Variants in CLMN observed in about 807,000 individuals in gnomAD.
CLMN encodes the protein calmin (calponin-like, transmembrane).
CLMN carries 57 observed loss-of-function variants against 92.7 expected under a neutral mutation model. The observed-to-expected ratio is 0.61, with a 90% CI of 0.50 to 0.77. The LOEUF (loss-of-function observed/expected upper bound fraction) is 0.77. Ranked by LOEUF, CLMN falls within the 30% of genes least tolerant of loss-of-function variation. The pLI is 0.00. For synonymous variants in CLMN, 466 were observed against 470.6 expected, an observed-to-expected ratio of 0.99 and a Z score of 0.13; for missense variants, 1,158 against 1,237.5, an observed-to-expected ratio of 0.94 and a Z score of 0.96.
At chr14:95,232,213 G>C (rs1897912277) in intron 1 of CLMN, among the ~76,000 whole-genome samples, 2 of 152,228 alleles carry the variant, frequency 1.3e-5, no homozygotes, top group Non-Finnish European at 1.5e-5. Flanking sequence ...GGTGGCCTGA[G>C]GCTGCAGCCT....
intron 1 of CLMN, among the ~76,000 whole-genome samples, chr14:95,300,234 G>A (rs1004871876): frequency 2.0e-5 from 3 of 152,204 alleles, no homozygotes; most frequent in South Asian, 4.1e-4. Context: ...CACCCAGTGC[G>A]GGAGTCACCA....
chr14:95,283,093 TC>T (rs1280065872), intron 1 of CLMN, among the ~76,000 whole-genome samples: 1 of 152,194 alleles, frequency 6.6e-6, no homozygotes, highest in African/African-American at 2.4e-5. Flanking sequence ...GAATTTTATC[TC>T]CCAGAATTCC....
intron 1 of CLMN, among the ~76,000 whole-genome samples, chr14:95,279,821 C>G (rs1471130264): frequency 6.6e-6 from 1 of 152,206 alleles, no homozygotes; most frequent in African/African-American, 2.4e-5. Flanking sequence ...CACTTACTTA[C>G]TGGCTTTTTC....
At chr14:95,286,387 C>T (rs1378408293) in intron 1 of CLMN, among the ~76,000 whole-genome samples, 1 of 152,294 alleles carries the variant, frequency 6.6e-6, no homozygotes, top group South Asian at 2.1e-4. Flanking sequence ...GCACAGGTTA[C>T]ATATTATCTG....
At chr14:95,311,716 T>C (rs980091212) in intron 1 of CLMN, among the ~76,000 whole-genome samples, 1 of 152,190 alleles carries the variant, frequency 6.6e-6, no homozygotes, top group African/African-American at 2.4e-5. Flanking sequence ...TCCGTCCTGC[T>C]GAGGAGCTTG....
chr14:95,212,947 G>C (rs567421740), intron 6 of CLMN, among the ~76,000 whole-genome samples: 1 of 151,908 alleles, frequency 6.6e-6, no homozygotes, highest in African/African-American at 2.4e-5. Flanking sequence ...CACCACGCCC[G>C]GCTAATTTTG....
intron 1 of CLMN, among the ~76,000 whole-genome samples, chr14:95,308,713 C>CTTAA (rs35688396): frequency 0.74 from 111,667 of 151,472 alleles, 41,383 homozygotes; most frequent in East Asian, 0.93. Flanking sequence ...CAGTCCCTGA[C>CTTAA]TTGATTTTTA....
chr14:95,211,649 TAAAAA>T (rs540566941), intron 6 of CLMN, among the ~76,000 whole-genome samples: 9 of 130,142 alleles, frequency 6.9e-5, no homozygotes, highest in African/African-American at 2.2e-4. Context: ...TAAACGCTCT[TAAAAA>T]AAAAAAAAAA....
At chr14:95,269,083 G>A (rs957294258) in intron 1 of CLMN, among the ~76,000 whole-genome samples, 1 of 152,030 alleles carries the variant, frequency 6.6e-6, no homozygotes, top group Non-Finnish European at 1.5e-5. Context: ...TTACAGGCGT[G>A]AGCCACCGCA....
At chr14:95,254,766 C>T (rs997304156) in intron 1 of CLMN, among the ~76,000 whole-genome samples, 3 of 152,144 alleles carry the variant, frequency 2.0e-5, no homozygotes, top group South Asian at 2.1e-4. Context: ...GGTGCAATTA[C>T]GGCTCACTGC....
chr14:95,312,894 G>C (rs1335507584), intron 1 of CLMN, among the ~76,000 whole-genome samples: 1 of 152,118 alleles, frequency 6.6e-6, no homozygotes, highest in African/African-American at 2.4e-5. Flanking sequence ...TACACACACA[G>C]AGAGATACAC....
rs1371146956 is a variant in CLMN at position 95,259,024 on chromosome 14, T to C, written c.83-28891A>G. ...TTGTATGTATGTGTGATATGTGTTG[T>C]GTGTGTTTGTGTGGTGTGGTGTGTG... On this transcript the variant is annotated intron_variant, in intron 1 of 12. Transcript: ENST00000298912. The surrounding 1 kb of genome is among the most constrained non-coding windows in gnomAD (Gnocchi z 4.3). Among the ~76,000 whole-genome samples the C allele has an allele frequency of 6.6e-6, 1 of 150,510 alleles. No homozygotes were observed. Among genetic ancestry groups the C allele is most frequent in the Non-Finnish European group, 1.5e-5 (1 of 67,724 alleles).
chr14:95,301,310 C>G (rs1901044004), intron 1 of CLMN, among the ~76,000 whole-genome samples: 1 of 152,228 alleles, frequency 6.6e-6, no homozygotes, highest in Non-Finnish European at 1.5e-5. Flanking sequence ...TATTACCCTA[C>G]CAGCTCTCAA....
intron 3 of CLMN, among the ~76,000 whole-genome samples, chr14:95,223,228 G>A (rs1333807318): frequency 2.6e-5 from 4 of 152,342 alleles, no homozygotes; most frequent in South Asian, 4.1e-4. Context: ...TGCCAAGGCT[G>A]AGAAACTCTG....
chr14:95,257,103 G>A (rs900677472), intron 1 of CLMN, among the ~76,000 whole-genome samples: 1 of 152,164 alleles, frequency 6.6e-6, no homozygotes, highest in Non-Finnish European at 1.5e-5. Flanking sequence ...TTAATACGAC[G>A]AGGCCCATTA....
At chr14:95,288,897 T>C (rs1376970481) in intron 1 of CLMN, among the ~76,000 whole-genome samples, 1 of 152,248 alleles carries the variant, frequency 6.6e-6, no homozygotes, top group East Asian at 1.9e-4. Context: ...ACAACTTGCA[T>C]GGATCTCTGG....
intron 8 of CLMN, among the ~76,000 whole-genome samples, chr14:95,206,666 G>A (rs915838061): frequency 6.6e-6 from 1 of 152,252 alleles, no homozygotes; most frequent in Non-Finnish European, 1.5e-5. Flanking sequence ...TAAATAGACT[G>A]TTCTGCAGTG....
chr14:95,240,006 T>G (rs956308904), intron 1 of CLMN, among the ~76,000 whole-genome samples: 3 of 152,232 alleles, frequency 2.0e-5, no homozygotes, highest in Non-Finnish European at 4.4e-5. Context: ...ACTGTTGTGT[T>G]ACAATTACCT....
chr14:95,191,823 C>A lies in CLMN; in HGVS notation c.2841-91G>T, dbSNP rs1214580627. On this transcript the variant is annotated intron_variant, in intron 12 of 12. Transcript: ENST00000298912. The surrounding 1 kb of genome is among the most constrained non-coding windows in gnomAD (Gnocchi z 5.3). ...GTGCTACCCGTCTCTCCCCGGCCCC[C>A]ACTCCCCGCCTGAAGACCCGAAGGC... is the stretch of plus-strand genomic sequence containing the variant. 3 of 1,289,062 alleles carry A rather than the reference C, an allele frequency of 2.3e-6. No homozygotes were observed. Among genetic ancestry groups the A allele is most frequent in the Non-Finnish European group, 3.2e-6 (3 of 944,188 alleles). The allele number at this position is 1,289,062 out of a possible 1,614,324, so 79.9% of individuals were successfully genotyped here. A position where few individuals can be genotyped will look rare whatever the true frequency, so the allele number is the denominator to read the frequency against.
Sources: allele counts gnomAD v4.1 joint callset (sites outside exome capture counted in the v4.1 genomes callset), GRCh38; gene constraint gnomAD v4.1.1; non-coding constraint Gnocchi (gnomAD v3.1); transcripts MANE v1.5; gene names NCBI Gene and HGNC (gene_info 2026-07-23, HGNC 2026-07-21).